Variants in NTN1 observed in about 807,000 individuals in gnomAD.
NTN1 encodes the protein netrin-1.
In NTN1, 11 loss-of-function variants were observed where a neutral mutation model predicts 54.2. The observed-to-expected ratio is 0.20, with a 90% CI of 0.13 to 0.34. The LOEUF (loss-of-function observed/expected upper bound fraction) is 0.34. Ranked by LOEUF, NTN1 falls within the 10% of genes least tolerant of loss-of-function variation. The probability of loss-of-function intolerance (pLI) is 1.00; values close to 1 mark genes in which losing one functional copy is unlikely to be tolerated. For synonymous variants in NTN1, 371 were observed against 382.0 expected, an observed-to-expected ratio of 0.97 and a Z score of 0.33; for missense variants, 740 against 893.1, an observed-to-expected ratio of 0.83 and a Z score of 2.18.
chr17:9,019,179 C>G (rs779575695), upstream of NTN1, among the ~76,000 whole-genome samples: 4 of 152,268 alleles, frequency 2.6e-5, no homozygotes, highest in Middle Eastern at 3.4e-3. Context: ...CTTAGCTTTT[C>G]TTTGTTCTCT....
At chr17:9,060,678 G>A (rs896505030) in intron 2 of NTN1, among the ~76,000 whole-genome samples, 1 of 152,110 alleles carries the variant, frequency 6.6e-6, no homozygotes, top group African/African-American at 2.4e-5. Flanking sequence ...TCTCAAGTGG[G>A]ATAAAAAGGA....
intron 2 of NTN1, among the ~76,000 whole-genome samples, chr17:9,110,931 CTTTT>C (rs34319949): frequency 1.9e-5 from 2 of 104,346 alleles, no homozygotes; most frequent in Admixed American, 1.0e-4. Flanking sequence ...AATTCAGGAT[CTTTT>C]TTTTTTTTTT....
upstream of NTN1, among the ~76,000 whole-genome samples, chr17:9,020,576 C>T (rs1369185058): frequency 1.3e-5 from 2 of 152,238 alleles, no homozygotes; most frequent in Non-Finnish European, 2.9e-5. Context: ...GTTTCTTCAG[C>T]TCCCGGGACC....
intron 5 of NTN1, among the ~76,000 whole-genome samples, chr17:9,194,992 C>G (rs1458615272): frequency 1.3e-5 from 2 of 152,064 alleles, no homozygotes; most frequent in African/African-American, 2.4e-5. Context: ...AAGTCAGTTT[C>G]CCCTCTCTTC....
intron 5 of NTN1, among the ~76,000 whole-genome samples, chr17:9,202,770 A>G (rs1244029956): frequency 6.6e-6 from 1 of 152,236 alleles, no homozygotes; most frequent in Non-Finnish European, 1.5e-5. Flanking sequence ...TTTCAGGATG[A>G]TTCAGCCACG....
intron 2 of NTN1, among the ~76,000 whole-genome samples, chr17:9,093,750 G>A (rs1461126772): frequency 2.0e-5 from 3 of 152,176 alleles, no homozygotes; most frequent in Non-Finnish European, 4.4e-5. Context: ...GAGGCAGGTG[G>A]ATCACTTGAG....
intron 2 of NTN1, among the ~76,000 whole-genome samples, chr17:9,146,079 G>A (rs941698001): frequency 1.6e-4 from 25 of 152,258 alleles, no homozygotes; most frequent in African/African-American, 5.1e-4. Flanking sequence ...AGACCCCTGC[G>A]AGGCCCTTGT....
At chr17:9,228,005 G>A (rs1387910059) in intron 6 of NTN1, among the ~76,000 whole-genome samples, 3 of 152,046 alleles carry the variant, frequency 2.0e-5, no homozygotes, top group African/African-American at 4.8e-5. Flanking sequence ...CTCCACACTC[G>A]TTCATTGAGC....
Position 9,186,756 on chromosome 17 carries a change from C to T in NTN1, c.1411+3787C>T, listed in dbSNP as rs961355555. On this transcript the variant is annotated intron_variant, in intron 5 of 6. Transcript: ENST00000173229. ...AGAGAAGTCACTTCCGGTGGCCTCT[C>T]GGCACCTCCACTTTTTCACGGAAGG... is the stretch of plus-strand genomic sequence containing the variant. 7.2e-5 allele frequency among the ~76,000 whole-genome samples: 11 copies of T among 152,308 alleles called. No individual in the cohort carries two copies. In the South Asian group the frequency reaches 8.3e-4, roughly 12 times the overall value.
chr17:9,058,637 C>CA (rs3053457), intron 2 of NTN1, among the ~76,000 whole-genome samples: 621 of 58,906 alleles, frequency 0.011, 44 homozygotes, highest in East Asian at 0.028. Flanking sequence ...GGTAGGCACT[C>CA]AAAAAAAAAA....
At chr17:9,018,318 A>C (rs1020133972), upstream of NTN1, among the ~76,000 whole-genome samples, 1 of 152,182 alleles carries the variant, frequency 6.6e-6, no homozygotes, top group Non-Finnish European at 1.5e-5. Flanking sequence ...ACTTACTGCC[A>C]TGCAAGGGCC....
chr17:9,112,553 C>T (rs756618385), intron 2 of NTN1, among the ~76,000 whole-genome samples: 1 of 152,148 alleles, frequency 6.6e-6, no homozygotes, highest in Non-Finnish European at 1.5e-5. Context: ...AAAATGCACC[C>T]CACCCCTCAT....
intron 4 of NTN1, among the ~76,000 whole-genome samples, chr17:9,181,936 G>A (rs186151370): frequency 3.0e-3 from 453 of 152,242 alleles, no homozygotes; most frequent in Non-Finnish European, 4.8e-3. Flanking sequence ...CACAGGGTGG[G>A]GTCTGGGAAG....
chr17:9,075,131 C>T (rs1423424986), intron 2 of NTN1, among the ~76,000 whole-genome samples: 1 of 152,178 alleles, frequency 6.6e-6, no homozygotes, highest in East Asian at 1.9e-4. Context: ...AGGCCCACCA[C>T]TTAGAGATGG....
chr17:9,204,193 C>CTCCTTCCTTCCCTCCTTCCTTCCTTCCT (rs1904896185), intron 5 of NTN1, among the ~76,000 whole-genome samples: 2 of 147,046 alleles, frequency 1.4e-5, no homozygotes, highest in African/African-American at 2.6e-5. Context: ...CCTTCCTTCC[C>CTCCTTCCTTCCCTCCTTCCTTCCTTCCT]TCCTTCCTTC....
chr17:9,117,410 G>C (rs1201384309), intron 2 of NTN1, among the ~76,000 whole-genome samples: 2 of 152,192 alleles, frequency 1.3e-5, no homozygotes, highest in Non-Finnish European at 2.9e-5. Flanking sequence ...GTGGTTCACA[G>C]TGTCACTGGC....
upstream of NTN1, among the ~76,000 whole-genome samples, chr17:9,021,172 G>T (rs1038075797): frequency 1.5e-4 from 23 of 149,484 alleles, no homozygotes. Flanking sequence ...TCCCCCGGGC[G>T]TGAGGCTCTC....
chr17:9,004,384 G>A, the NTN1 span, among the ~76,000 whole-genome samples: 1 of 152,284 alleles, frequency 6.6e-6, no homozygotes, highest in Non-Finnish European at 1.5e-5. Flanking sequence ...CCTGGAAGGT[G>A]ACACGGTGTC....
chr17:9,070,322 A>C (rs546093848), intron 2 of NTN1, among the ~76,000 whole-genome samples: 2 of 152,240 alleles, frequency 1.3e-5, no homozygotes, highest in East Asian at 3.9e-4. Flanking sequence ...ATCTCACTTC[A>C]GCCACTGGTT....
Sources: gnomAD v4.1 joint callset for allele counts (sites outside exome capture counted in the v4.1 genomes callset) on GRCh38, gnomAD v4.1.1 for gene constraint, MANE v1.5 for transcripts, NCBI Gene and HGNC (gene_info 2026-07-23, HGNC 2026-07-21) for gene names.